Variants in ANGPT1 observed in about 807,000 individuals in gnomAD.
ANGPT1 encodes the protein angiopoietin 1.
In ANGPT1, 17 loss-of-function variants were observed where a neutral mutation model predicts 62.2. That is an observed-to-expected ratio of 0.27 (90% CI 0.19 to 0.41). The LOEUF is 0.41. Ranked by LOEUF, ANGPT1 falls within the 10% of genes least tolerant of loss-of-function variation. The pLI, the probability that ANGPT1 is intolerant of heterozygous loss-of-function variation, is 1.00. For synonymous variants in ANGPT1, 199 were observed against 198.9 expected, an observed-to-expected ratio of 1.00 and a Z score of 0.00; for missense variants, 478 against 594.9, an observed-to-expected ratio of 0.80 and a Z score of 2.04.
chr8:107,360,178 G>A (rs751929511), intron 1 of ANGPT1, among the ~76,000 whole-genome samples: 4 of 152,122 alleles, frequency 2.6e-5, no homozygotes, highest in Non-Finnish European at 2.9e-5. Flanking sequence ...CAAAACAGCC[G>A]CAAGTAGGTC....
intron 4 of ANGPT1, among the ~76,000 whole-genome samples, chr8:107,313,097 A>G (rs1246521182): frequency 6.6e-6 from 1 of 152,152 alleles, no homozygotes; most frequent in African/African-American, 2.4e-5. Flanking sequence ...ACGTCATCCC[A>G]CTTGTGAAAA....
intron 2 of ANGPT1, among the ~76,000 whole-genome samples, chr8:107,339,245 A>G (rs1455646249): frequency 6.6e-6 from 1 of 152,154 alleles, no homozygotes; most frequent in African/African-American, 2.4e-5. Flanking sequence ...CATAAATCAG[A>G]TCATGCCATC....
At chr8:107,395,013 ATAT>A (rs1816908542) in intron 1 of ANGPT1, among the ~76,000 whole-genome samples, 1 of 152,122 alleles carries the variant, frequency 6.6e-6, no homozygotes, top group African/African-American at 2.4e-5. Context: ...TATCTAGATG[ATAT>A]TATAATAAAT....
intron 1 of ANGPT1, among the ~76,000 whole-genome samples, chr8:107,370,306 A>G (rs199818455): frequency 0.7 from 54,688 of 77,736 alleles, 22,613 homozygotes; most frequent in East Asian, 0.86. Flanking sequence ...GAAGAAAGAA[A>G]GAAGGAAGGA....
intron 1 of ANGPT1, among the ~76,000 whole-genome samples, chr8:107,481,086 T>G (rs1308178388): frequency 6.6e-6 from 1 of 152,172 alleles, no homozygotes; most frequent in Non-Finnish European, 1.5e-5. Flanking sequence ...CAGAGAAACT[T>G]CAGCAGAGTC....
chr8:107,418,234 T>A (rs1810804453), intron 1 of ANGPT1, among the ~76,000 whole-genome samples: 1 of 152,176 alleles, frequency 6.6e-6, no homozygotes, highest in Admixed American at 6.5e-5. Context: ...ATTTACTTTA[T>A]CTTCTCTAGA....
chr8:107,466,448 G>T (rs147831416), intron 1 of ANGPT1, among the ~76,000 whole-genome samples: 2 of 152,070 alleles, frequency 1.3e-5, no homozygotes, highest in African/African-American at 4.8e-5. Context: ...CCTACTAAAA[G>T]CTAGTGTTAT....
At chr8:107,328,726 C>G (rs867380499) in intron 3 of ANGPT1, among the ~76,000 whole-genome samples, 19 of 151,864 alleles carry the variant, frequency 1.3e-4, no homozygotes, top group Non-Finnish European at 2.5e-4. Context: ...TTAATACACA[C>G]AAAAACATGC....
intron 7 of ANGPT1, among the ~76,000 whole-genome samples, chr8:107,269,770 C>T (rs575385756): frequency 1.6e-3 from 240 of 151,934 alleles, no homozygotes; most frequent in African/African-American, 5.4e-3. Context: ...AAAGCAGCCA[C>T]GACATAGAAT....
chr8:107,410,804 A>C (rs2130355183), intron 1 of ANGPT1, among the ~76,000 whole-genome samples: 1 of 152,326 alleles, frequency 6.6e-6, no homozygotes, highest in Admixed American at 6.5e-5. Flanking sequence ...GTGAAATCTT[A>C]GCTTTTTTAA....
intron 1 of ANGPT1, among the ~76,000 whole-genome samples, chr8:107,392,598 CTTTG>C (rs1454556214): frequency 2.0e-5 from 3 of 151,946 alleles, no homozygotes; most frequent in Admixed American, 2.0e-4. Flanking sequence ...TTATTTTTTA[CTTTG>C]TTTATGTCAT....
Position 107,372,290 on chromosome 8 carries a change from C to T in ANGPT1, c.298-25193G>A, listed in dbSNP as rs527571177. On this transcript the variant is annotated intron_variant, in intron 1 of 8. Coordinates refer to ENST00000517746, the MANE Select transcript of ANGPT1 (RefSeq NM_001146.5). ...ATGTCCATTGGTGGCAAAATCATGC[C>T]CAGCTGAGAACTACTGATATAAATA... Among the ~76,000 whole-genome samples the T allele has an allele frequency of 3.3e-4, 50 of 151,924 alleles. 1 individual carries two copies. The South Asian group carries it at 0.01, about 32-fold the overall frequency.
chr8:107,389,435 A>C (rs539851270), intron 1 of ANGPT1, among the ~76,000 whole-genome samples: 2 of 152,100 alleles, frequency 1.3e-5, no homozygotes, highest in African/African-American at 4.8e-5. Flanking sequence ...GGGGGACGGG[A>C]GGAGTAAATT....
At chr8:107,346,048 T>A (rs1175509909) in intron 2 of ANGPT1, among the ~76,000 whole-genome samples, 1 of 152,208 alleles carries the variant, frequency 6.6e-6, no homozygotes, top group Non-Finnish European at 1.5e-5. Context: ...GTGATTTTCA[T>A]AAAAACCATG....
At position 107,277,780 on chromosome 8, in the gene ANGPT1, G is replaced by A. The variant is rs1813899994; in HGVS notation, c.1205+6902C>T. Among the ~76,000 whole-genome samples, 4 of 152,122 alleles carry A rather than the reference G, an allele frequency of 2.6e-5. No homozygotes were observed. In the South Asian group the frequency reaches 8.3e-4, roughly 32 times the overall value. ...AGAAATAGTCAGATAAGCCCAGAAA[G>A]AGCTGTTCTGGGAAAAGCTGACCCA... On this transcript the variant is annotated intron_variant, in intron 7 of 8. Transcript: ENST00000517746.
At chr8:107,420,267 G>A (rs953665090) in intron 1 of ANGPT1, among the ~76,000 whole-genome samples, 3 of 152,092 alleles carry the variant, frequency 2.0e-5, no homozygotes, top group African/African-American at 7.2e-5. Flanking sequence ...TAATGCCTCT[G>A]ATAAACAGCT....
intron 7 of ANGPT1, 128 bp downstream of exon 7, chr8:107,284,554 T>C: frequency 1.1e-6 from 1 of 878,336 alleles, no homozygotes; most frequent in Admixed American, 3.6e-5. Flanking sequence ...TTGTAATAGG[T>C]CTAGACAAAA....
intron 1 of ANGPT1, among the ~76,000 whole-genome samples, chr8:107,406,134 A>T (rs2130343862): frequency 6.6e-6 from 1 of 152,050 alleles, no homozygotes; most frequent in East Asian, 1.9e-4. Context: ...TAAAATTGAT[A>T]TGAAAGATTT....
Position 107,284,741 on chromosome 8 carries a change from C to A in ANGPT1, c.1146G>T (p.Gly382=), listed in dbSNP as rs150101500. The A allele has an allele frequency of 5.7e-4, 918 of 1,610,740 alleles. 1 individual carries two copies. Among genetic ancestry groups the A allele is most frequent in the Non-Finnish European group, 7.5e-4 (884 of 1,178,004 alleles). Residue 382 remains glycine (G), a synonymous_variant, in exon 7 of 9, where the codon GGG becomes GGT. Coordinates refer to ENST00000517746, the MANE Select transcript of ANGPT1 (RefSeq NM_001146.5). ...MLRIELMDWE[G]NRAYSQYDRF... ...TGTCATACTGTGAATAGGCTCGGTT[C>A]CCTTCCCAGTCCATTAACTCAATTC...
Sources: gnomAD v4.1 joint callset for allele counts (sites outside exome capture counted in the v4.1 genomes callset) on GRCh38, gnomAD v4.1.1 for gene constraint, MANE v1.5 for transcripts, NCBI Gene and HGNC (gene_info 2026-07-23, HGNC 2026-07-21) for gene names.